Variants in CDCA4 observed in about 807,000 individuals in gnomAD.
The protein encoded by CDCA4 is cell division cycle associated 4, also known as cell division cycle-associated protein 4.
For missense variants in CDCA4, 294 were observed against 322.1 expected (o/e 0.91, Z 0.67); for synonymous variants, 130 against 137.0 (o/e 0.95, Z 0.36).
At chr14:105,015,940 G>A (rs1470579833) in intron 1 of CDCA4, among the ~76,000 whole-genome samples, 4 of 151,648 alleles carry the variant, frequency 2.6e-5, no homozygotes, top group Non-Finnish European at 5.9e-5. Context: ...GACTACAGGC[G>A]TCAGCCACCG....
chr14:105,011,983 C>G (rs533607836), intron 1 of CDCA4, 48 bp from the exon 2 acceptor site: 15 of 1,544,224 alleles, frequency 9.7e-6, no homozygotes, highest in Non-Finnish European at 1.2e-5. Context: ...AGACTCTCTG[C>G]GGACAGCGCC....
chr14:105,017,614 C>G (rs1595455263), intron 1 of CDCA4, among the ~76,000 whole-genome samples: 1 of 152,032 alleles, frequency 6.6e-6, no homozygotes, highest in African/African-American at 2.4e-5. Context: ...GGCGGATCAC[C>G]AGGTCAGGAG....
At chr14:105,014,301 T>C (rs913447698) in intron 1 of CDCA4, among the ~76,000 whole-genome samples, 8 of 152,156 alleles carry the variant, frequency 5.3e-5, no homozygotes, top group African/African-American at 1.7e-4. Flanking sequence ...CTGTGCATCC[T>C]ACAAGGATGC....
intron 1 of CDCA4, among the ~76,000 whole-genome samples, chr14:105,020,640 G>C (rs993062980): frequency 6.6e-6 from 1 of 152,226 alleles, no homozygotes; most frequent in Non-Finnish European, 1.5e-5. Flanking sequence ...CTAGAGCCGA[G>C]GTACGGGAAA....
At chr14:105,012,208 T>C (rs1451898302) in intron 1 of CDCA4, among the ~76,000 whole-genome samples, 1 of 152,164 alleles carries the variant, frequency 6.6e-6, no homozygotes, top group Admixed American at 6.5e-5. Flanking sequence ...CAGTGTTTTA[T>C]AGCAAAAAAG....
intron 1 of CDCA4, among the ~76,000 whole-genome samples, chr14:105,014,975 A>G (rs1395667122): frequency 6.6e-6 from 1 of 152,112 alleles, no homozygotes; most frequent in Non-Finnish European, 1.5e-5. Flanking sequence ...AACCCCCATA[A>G]TGTGGGGCCT....
At chr14:105,016,271 T>C (rs971251719) in intron 1 of CDCA4, among the ~76,000 whole-genome samples, 20 of 152,218 alleles carry the variant, frequency 1.3e-4, no homozygotes, top group African/African-American at 4.8e-4. Flanking sequence ...CCACCTGGGT[T>C]CCTCCTTTCC....
chr14:105,015,833 T>C (rs1272459991), intron 1 of CDCA4, among the ~76,000 whole-genome samples: 4 of 152,112 alleles, frequency 2.6e-5, no homozygotes, highest in African/African-American at 9.7e-5. Flanking sequence ...CCTGGCTAAT[T>C]TTTATATTTT....
chr14:105,019,269 A>G (rs779071560), intron 1 of CDCA4, among the ~76,000 whole-genome samples: 1 of 152,086 alleles, frequency 6.6e-6, no homozygotes, highest in African/African-American at 2.4e-5. Flanking sequence ...AGAGCAACCT[A>G]GGCCCACCGA....
rs1299230416 is a variant in CDCA4, at chr14:105,011,447, T to A, written c.483A>T (p.Ser161=). Residue 161 remains serine (S), a synonymous_variant, in exon 2 of 2, where the codon TCA becomes TCT. Coordinates refer to ENST00000336219, the MANE Select transcript of CDCA4 (RefSeq NM_017955.4). ...PRENRGSFHK[S]LDQIFETLET... ...CCAGCGTTTCAAATATCTGATCAAGTGACTTGTGAAAGCTTCCTCTGTTTT... is the reference window on the plus strand; with the variant it reads ...CCAGCGTTTCAAATATCTGATCAAGAGACTTGTGAAAGCTTCCTCTGTTTT... 3 of 1,614,066 alleles carry A rather than the reference T, an allele frequency of 1.9e-6. No individual in the cohort carries two copies. The highest frequency in any genetic ancestry group is 2.7e-5 in the African/African-American group (2 of 74,934).
chr14:105,017,830 C>CA (rs1430685179), intron 1 of CDCA4, among the ~76,000 whole-genome samples: 48 of 143,220 alleles, frequency 3.4e-4, no homozygotes, highest in Middle Eastern at 3.5e-3. Flanking sequence ...GACTCCGTCT[C>CA]AAAAAAAAAA....
At chr14:105,015,984 C>A (rs961673062) in intron 1 of CDCA4, among the ~76,000 whole-genome samples, 7 of 152,184 alleles carry the variant, frequency 4.6e-5, no homozygotes, top group Admixed American at 6.5e-5. Flanking sequence ...TAACTGGCCA[C>A]CCCAGTCCCC....
rs1398452572 is a variant in CDCA4, at chr14:105,009,581, AATG to A, written c.*1620_*1622del. On this transcript the variant is annotated 3_prime_UTR_variant, in exon 2 of 2. Transcript: ENST00000336219. ...CTACAACTACTACTAATGCTGAACA[AATG>A]ATGTTTCTAAAAGATAAAAATGCTA... The A allele has an allele frequency of 1.3e-5, 2 of 152,246 alleles. No individual in the cohort carries two copies. Among genetic ancestry groups the A allele is most frequent in the African/African-American group, 4.8e-5 (2 of 41,468 alleles). The allele number at this position is 152,246 out of a possible 1,614,324, so 9.4% of individuals were successfully genotyped here.
chr14:105,020,834 G>A (rs1417948775), intron 1 of CDCA4, among the ~76,000 whole-genome samples, 165 bp downstream of exon 1: 2 of 151,798 alleles, frequency 1.3e-5, no homozygotes, highest in Non-Finnish European at 2.9e-5. Context: ...GGAGGGCGGC[G>A]AGGGCGCCGC....
chr14:105,011,726 C>T lies in CDCA4; in HGVS notation c.204G>A (p.Gln68=). 2 of 1,613,714 alleles carry T rather than the reference C, an allele frequency of 1.2e-6. No homozygotes were observed. Among genetic ancestry groups the T allele is most frequent in the Non-Finnish European group, 1.7e-6 (2 of 1,180,036 alleles). ...RSVLIANTVR[Q]IQEEMTQDGT... is the part of the protein sequence containing the mutation. ...CATCCTGCGTCATCTCCTCTTGGAT[C>T]TGCCGGACCGTGTTGGCAATGAGGA... Residue 68 remains glutamine, a synonymous_variant, in exon 2 of 2, where the codon CAG becomes CAA. Coordinates refer to ENST00000336219, the MANE Select transcript of CDCA4 (RefSeq NM_017955.4).
intron 1 of CDCA4, among the ~76,000 whole-genome samples, chr14:105,013,212 T>A (rs1354893813): frequency 6.6e-6 from 1 of 152,132 alleles, no homozygotes; most frequent in Non-Finnish European, 1.5e-5. Flanking sequence ...TTTTTTTTTT[T>A]TTTAACTGAT....
chr14:105,013,368 G>A (rs1900556860), intron 1 of CDCA4, among the ~76,000 whole-genome samples: 1 of 152,234 alleles, frequency 6.6e-6, no homozygotes, highest in East Asian at 1.9e-4. Context: ...GGCCGGCAGA[G>A]TCTGACAGGA....
In CDCA4 at chr14:105,011,160, G is replaced by C; in HGVS notation, c.*44C>G. On this transcript the variant is annotated 3_prime_UTR_variant, in exon 2 of 2. Transcript: ENST00000336219. ...ACCCTCCGTGGGAGCCAGTGCTCACGTGTCAATGCGTCAGAGGCGGCTGTG... is the reference window on the plus strand; with the variant it reads ...ACCCTCCGTGGGAGCCAGTGCTCACCTGTCAATGCGTCAGAGGCGGCTGTG... The C allele has an allele frequency of 1.3e-6, 2 of 1,557,020 alleles. No homozygotes were observed. The highest frequency in any genetic ancestry group is 8.7e-7 in the Non-Finnish European group (1 of 1,152,144).
intron 1 of CDCA4, among the ~76,000 whole-genome samples, chr14:105,016,335 A>T (rs1348519301): frequency 6.6e-6 from 1 of 152,082 alleles, no homozygotes; most frequent in Non-Finnish European, 1.5e-5. Context: ...GTTTCACACT[A>T]CTGACAATTT....
Sources: gnomAD v4.1 joint callset for allele counts (sites outside exome capture counted in the v4.1 genomes callset) on GRCh38, gnomAD v4.1.1 for gene constraint, MANE v1.5 for transcripts, NCBI Gene and HGNC (gene_info 2026-07-23, HGNC 2026-07-21) for gene names.